Variants in MAGI2 observed in about 807,000 individuals in gnomAD.
The protein encoded by MAGI2 is membrane associated guanylate kinase, WW and PDZ domain containing 2.
Under a neutral mutation model 133.3 loss-of-function variants are expected in MAGI2, and 35 were observed. The observed-to-expected ratio is 0.26, with a 90% CI of 0.20 to 0.35. MAGI2 has a LOEUF of 0.35. Among genes scored for constraint, MAGI2 ranks in the 10% least tolerant of loss-of-function variants. The probability of loss-of-function intolerance (pLI) is 1.00; values close to 1 mark genes in which losing one functional copy is unlikely to be tolerated. For missense variants in MAGI2, 1,636 were observed against 1,863.4 expected, an observed-to-expected ratio of 0.88 and a Z score of 2.25; for synonymous variants, 729 against 710.6, an observed-to-expected ratio of 1.03 and a Z score of -0.41.
chr7:78,454,002 T>A (rs1219142716), intron 6 of MAGI2, among the ~76,000 whole-genome samples: 2 of 152,142 alleles, frequency 1.3e-5, no homozygotes, highest in Non-Finnish European at 2.9e-5. Context: ...TTGGGATACC[T>A]ATCACCCAAC....
chr7:78,306,956 G>GT (rs1368436491), intron 9 of MAGI2, among the ~76,000 whole-genome samples: 1 of 152,066 alleles, frequency 6.6e-6, no homozygotes, highest in Non-Finnish European at 1.5e-5. Flanking sequence ...TCCAATTCAG[G>GT]TTTAAACATG....
At chr7:78,519,905 G>A (rs978483653) in intron 4 of MAGI2, among the ~76,000 whole-genome samples, 7 of 152,014 alleles carry the variant, frequency 4.6e-5, no homozygotes, top group Admixed American at 6.6e-5. Context: ...TGAGTTGTTC[G>A]GCTTCTCATA....
chr7:79,131,649 G>T (rs1820946697), intron 1 of MAGI2, among the ~76,000 whole-genome samples: 1 of 152,110 alleles, frequency 6.6e-6, no homozygotes, highest in Non-Finnish European at 1.5e-5. Flanking sequence ...TGTTTTCATT[G>T]TATCTTATTG....
chr7:78,626,190 A>G (rs1288224260), intron 3 of MAGI2, among the ~76,000 whole-genome samples: 2 of 152,192 alleles, frequency 1.3e-5, no homozygotes, highest in African/African-American at 4.8e-5. Context: ...CAACTTAATA[A>G]TAGCATCTGT....
chr7:78,148,159 T>C (rs987120629), intron 16 of MAGI2, among the ~76,000 whole-genome samples: 2 of 152,168 alleles, frequency 1.3e-5, no homozygotes, highest in African/African-American at 2.4e-5. Context: ...AACTAGGGAA[T>C]GGATAAGCAA....
At chr7:79,011,743 AT>A (rs1808120288) in intron 1 of MAGI2, among the ~76,000 whole-genome samples, 1 of 151,984 alleles carries the variant, frequency 6.6e-6, no homozygotes, top group Non-Finnish European at 1.5e-5. Flanking sequence ...CATCTTATTT[AT>A]TTTTGTTTGT....
At chr7:78,194,197 G>A (rs1160114039) in intron 12 of MAGI2, among the ~76,000 whole-genome samples, 1 of 152,166 alleles carries the variant, frequency 6.6e-6, no homozygotes, top group Admixed American at 6.6e-5. Flanking sequence ...TTGCAAGATG[G>A]TAGAAAGAAG....
At chr7:78,499,566 TTC>T (rs1306916419) in intron 5 of MAGI2, among the ~76,000 whole-genome samples, 9 of 152,206 alleles carry the variant, frequency 5.9e-5, no homozygotes, top group Non-Finnish European at 1.0e-4. Context: ...GGAACATAAG[TTC>T]TGTCTTTTGA....
chr7:78,296,299 A>T (rs944579500), intron 9 of MAGI2, among the ~76,000 whole-genome samples: 1 of 152,156 alleles, frequency 6.6e-6, no homozygotes, highest in Admixed American at 6.5e-5. Context: ...ACCCTAATTC[A>T]TGTTCCCTAA....
intron 6 of MAGI2, among the ~76,000 whole-genome samples, chr7:78,386,119 G>T (rs1478171369): frequency 1.3e-5 from 2 of 152,068 alleles, no homozygotes; most frequent in Admixed American, 1.3e-4. Flanking sequence ...AGAAGGACTA[G>T]ATTAAACATC....
chr7:78,996,625 T>G (rs1806335220), intron 2 of MAGI2, among the ~76,000 whole-genome samples: 1 of 152,158 alleles, frequency 6.6e-6, no homozygotes, highest in Admixed American at 6.6e-5. Flanking sequence ...AGTTTACTTA[T>G]GTAACAAAAC....
intron 1 of MAGI2, among the ~76,000 whole-genome samples, chr7:79,366,590 T>A (rs1486203136): frequency 6.6e-6 from 1 of 152,184 alleles, no homozygotes; most frequent in Non-Finnish European, 1.5e-5. Flanking sequence ...TGAATAATAT[T>A]GGTGGATTGC....
chr7:79,396,368 T>C (rs1410973382), intron 1 of MAGI2, among the ~76,000 whole-genome samples: 1 of 152,140 alleles, frequency 6.6e-6, no homozygotes, highest in Admixed American at 6.5e-5. Context: ...CAGAATCAGC[T>C]GGGAAGAACT....
At chr7:78,511,931 T>TAA (rs369351062) in intron 4 of MAGI2, among the ~76,000 whole-genome samples, 11 of 145,568 alleles carry the variant, frequency 7.6e-5, no homozygotes, top group South Asian at 2.2e-4. Flanking sequence ...TCGTCTCTAC[T>TAA]AAAAAAAAAA....
At chr7:78,693,181 A>G (rs1817146845) in intron 2 of MAGI2, among the ~76,000 whole-genome samples, 1 of 152,172 alleles carries the variant, frequency 6.6e-6, no homozygotes, top group Non-Finnish European at 1.5e-5. Context: ...TTTAATCTCC[A>G]TCAATCTCAG....
intron 2 of MAGI2, chr7:78,771,008 T>G (rs1825533763): frequency 6.6e-6 from 1 of 152,300 alleles, no homozygotes; most frequent in East Asian, 1.9e-4. Flanking sequence ...AGCTTTGATT[T>G]TTCAACATGG....
chr7:79,370,422 C>T (rs1185187516), intron 1 of MAGI2, among the ~76,000 whole-genome samples: 1 of 152,004 alleles, frequency 6.6e-6, no homozygotes, highest in Non-Finnish European at 1.5e-5. Flanking sequence ...CATCTAATTC[C>T]TCTTAGCACA....
At chr7:79,021,414 AG>A (rs1809319602) in intron 1 of MAGI2, among the ~76,000 whole-genome samples, 2 of 152,220 alleles carry the variant, frequency 1.3e-5, no homozygotes, top group African/African-American at 4.8e-5. Flanking sequence ...TACCCTGAAA[AG>A]TCACAGGGGT....
intron 2 of MAGI2, among the ~76,000 whole-genome samples, chr7:78,995,813 C>T (rs1450097071): frequency 6.6e-6 from 1 of 152,074 alleles, no homozygotes; most frequent in Non-Finnish European, 1.5e-5. Flanking sequence ...TACAGAGCTG[C>T]TTTCATGTAG....
Sources: gnomAD v4.1 joint callset for allele counts (sites outside exome capture counted in the v4.1 genomes callset) on GRCh38, gnomAD v4.1.1 for gene constraint, MANE v1.5 for transcripts, NCBI Gene and HGNC (gene_info 2026-07-23, HGNC 2026-07-21) for gene names.